FAM227B: variants seen among roughly 807,000 people sequenced by gnomAD.
FAM227B encodes the protein protein FAM227B.
Under a neutral mutation model 73.8 loss-of-function variants are expected in FAM227B, and 88 were observed. That is an observed-to-expected ratio of 1.19 (90% CI 1.00 to 1.42). The LOEUF (loss-of-function observed/expected upper bound fraction) is 1.42. Ranked by LOEUF, FAM227B falls within the 40% of genes most tolerant of loss-of-function variation. The pLI is 0.00. For missense variants in FAM227B, 632 were observed against 590.9 expected (o/e 1.07, Z -0.72); for synonymous variants, 210 against 190.5 (o/e 1.10, Z -0.84).
At chr15:49,363,279 T>C (rs1330025008) in intron 13 of FAM227B, among the ~76,000 whole-genome samples, 1 of 152,198 alleles carries the variant, frequency 6.6e-6, no homozygotes, top group Non-Finnish European at 1.5e-5. Context: ...TCCACTTGTT[T>C]GTGTCATCTC....
chr15:49,536,517 T>G (rs1245117695), intron 10 of FAM227B, among the ~76,000 whole-genome samples: 1 of 151,856 alleles, frequency 6.6e-6, no homozygotes, highest in Non-Finnish European at 1.5e-5. Context: ...CAACACAATC[T>G]CTAACAAAAT....
At chr15:49,549,336 T>TTATTTATTTATA in intron 9 of FAM227B, among the ~76,000 whole-genome samples, 1 of 151,250 alleles carries the variant, frequency 6.6e-6, no homozygotes, top group Admixed American at 6.6e-5. Flanking sequence ...ATTTATTTAT[T>TTATTTATTTATA]TATTTTTATT....
At chr15:49,535,027 C>T (rs2060905752) in intron 10 of FAM227B, among the ~76,000 whole-genome samples, 2 of 150,592 alleles carry the variant, frequency 1.3e-5, no homozygotes, top group Admixed American at 1.3e-4. Flanking sequence ...CCTTAAGGAA[C>T]TAGAATAATA....
chr15:49,477,213 G>A (rs1434113498), intron 11 of FAM227B, among the ~76,000 whole-genome samples: 1 of 152,090 alleles, frequency 6.6e-6, no homozygotes, highest in Admixed American at 6.5e-5. Context: ...TTTATACTAA[G>A]GTCCACGTTT....
At position 49,611,222 on chromosome 15, in the gene FAM227B, T is replaced by TG. The variant is rs771204660; in HGVS notation, c.97dup (p.Gln33ProfsTer13). On this transcript the variant is annotated frameshift_variant, in exon 3 of 16. Transcript: ENST00000299338. LOFTEE classifies it high-confidence loss of function. ...ATAAGATGCTTTACTCACCCAATTT[T>TG]GAAACTTTAAGAATTCTTCAATGCT... is the stretch of plus-strand genomic sequence containing the variant. 3.2e-6 allele frequency: 5 copies of TG among 1,586,932 alleles called. No individual in the cohort carries two copies. The highest frequency in any genetic ancestry group is 4.3e-6 in the Non-Finnish European group (5 of 1,158,126).
chr15:49,473,789 T>G (rs2055003366), intron 11 of FAM227B, among the ~76,000 whole-genome samples: 1 of 152,270 alleles, frequency 6.6e-6, no homozygotes, highest in African/African-American at 2.4e-5. Context: ...TCATCTTTGA[T>G]GTTATAACAT....
intron 11 of FAM227B, chr15:49,395,974 C>T (rs939401772): frequency 8.8e-6 from 4 of 455,824 alleles, no homozygotes; most frequent in African/African-American, 6.0e-5. Flanking sequence ...GTTAATCTTA[C>T]CAAAACTGGG....
intron 11 of FAM227B, among the ~76,000 whole-genome samples, chr15:49,490,567 G>T (rs897710615): frequency 6.6e-6 from 1 of 152,002 alleles, no homozygotes; most frequent in African/African-American, 2.4e-5. Context: ...CACTTAAGTT[G>T]TTTGGCAGAT....
At chr15:49,434,647 C>T (rs1485751121) in intron 11 of FAM227B, 1 of 151,584 alleles carries the variant, frequency 6.6e-6, no homozygotes, top group African/African-American at 2.4e-5. Flanking sequence ...ATGCTAAACT[C>T]ACCAAGGTAA....
chr15:49,611,644 G>A (rs1284787509), intron 2 of FAM227B, among the ~76,000 whole-genome samples: 1 of 152,068 alleles, frequency 6.6e-6, no homozygotes, highest in South Asian at 2.1e-4. Flanking sequence ...TGCTGATAAA[G>A]TATTTTAAAA....
At chr15:49,581,850 A>G (rs2075832560) in intron 5 of FAM227B, among the ~76,000 whole-genome samples, 1 of 152,212 alleles carries the variant, frequency 6.6e-6, no homozygotes, top group Admixed American at 6.5e-5. Context: ...CAGTGACACT[A>G]AAAAGTACCC....
intron 11 of FAM227B, among the ~76,000 whole-genome samples, chr15:49,398,112 G>T (rs1047438723): frequency 1.2e-4 from 19 of 152,128 alleles, no homozygotes; most frequent in Non-Finnish European, 2.2e-4. Context: ...CATCTCACAT[G>T]CAGAGACACA....
At chr15:49,559,812 G>A (rs977010457) in intron 9 of FAM227B, among the ~76,000 whole-genome samples, 3 of 152,102 alleles carry the variant, frequency 2.0e-5, no homozygotes, top group Admixed American at 6.5e-5. Flanking sequence ...GCACGTGCCT[G>A]TAATCCCAGA....
intron 11 of FAM227B, among the ~76,000 whole-genome samples, chr15:49,481,993 A>C (rs1209131142): frequency 6.6e-6 from 1 of 152,122 alleles, no homozygotes; most frequent in East Asian, 1.9e-4. Flanking sequence ...AAAATAAATA[A>C]GAGAATGAAG....
At chr15:49,473,004 C>G (rs530743313) in intron 11 of FAM227B, among the ~76,000 whole-genome samples, 1 of 152,272 alleles carries the variant, frequency 6.6e-6, no homozygotes, top group African/African-American at 2.4e-5. Context: ...TAAAACTCAC[C>G]ATTTCTTAAG....
At chr15:49,590,050 T>C in intron 3 of FAM227B, 43 bp from the exon 4 acceptor site, 1 of 1,006,986 alleles carries the variant, frequency 9.9e-7, no homozygotes, top group Non-Finnish European at 1.6e-6. Flanking sequence ...AAGTCATTTT[T>C]AATGAATTTA....
At chr15:49,360,621 G>T (rs1322513394) in intron 13 of FAM227B, among the ~76,000 whole-genome samples, 1 of 152,060 alleles carries the variant, frequency 6.6e-6, no homozygotes, top group African/African-American at 2.4e-5. Flanking sequence ...TTTTATCCAA[G>T]ATTCTGCAGT....
At chr15:49,550,999 A>G (rs1435684708) in intron 9 of FAM227B, among the ~76,000 whole-genome samples, 3 of 152,240 alleles carry the variant, frequency 2.0e-5, no homozygotes, top group Non-Finnish European at 4.4e-5. Flanking sequence ...ACCATTGAGC[A>G]CTGAGTGAAC....
intron 11 of FAM227B, among the ~76,000 whole-genome samples, chr15:49,420,462 A>G (rs1242720542): frequency 2.0e-5 from 3 of 152,304 alleles, no homozygotes; most frequent in African/African-American, 7.2e-5. Context: ...GGTAAAAGTA[A>G]AAAATAATAT....
Sources: gnomAD v4.1 joint callset for allele counts (sites outside exome capture counted in the v4.1 genomes callset) on GRCh38, gnomAD v4.1.1 for gene constraint, MANE v1.5 for transcripts, NCBI Gene and HGNC (gene_info 2026-07-23, HGNC 2026-07-21) for gene names.